The following SYT12 variants were observed in gnomAD, a reference collection of about 807,000 sequenced individuals.
The protein encoded by SYT12 is synaptotagmin-12.
In SYT12, 27 loss-of-function variants were observed where a neutral mutation model predicts 39.5. The ratio of observed to expected loss-of-function variants is 0.68; its 90% CI spans 0.50 to 0.94. The LOEUF (loss-of-function observed/expected upper bound fraction) is 0.94. Ranked by LOEUF, SYT12 falls within the 40% of genes least tolerant of loss-of-function variation. SYT12 has a pLI of 0.00. For missense variants in SYT12, 536 were observed against 572.6 expected (o/e 0.94, Z 0.65); for synonymous variants, 233 against 239.7 (o/e 0.97, Z 0.26).
chr11:67,034,058 G>A (rs1950317333), intron 2 of SYT12, among the ~76,000 whole-genome samples: 1 of 152,190 alleles, frequency 6.6e-6, no homozygotes, highest in Non-Finnish European at 1.5e-5. Flanking sequence ...GATTCACAGA[G>A]AGAAAAGATT....
In SYT12 at chr11:67,049,007, T is replaced by A; in HGVS notation, c.*250T>A. 1 of 414,642 alleles carries A rather than the reference T, an allele frequency of 2.4e-6. No homozygotes were observed. The highest frequency in any genetic ancestry group is 4.3e-6 in the Non-Finnish European group (1 of 230,948). 25.7% of individuals were successfully genotyped at this position (414,642 alleles called of 1,614,324 possible). A position where few individuals can be genotyped will look rare whatever the true frequency, so the allele number is the denominator to read the frequency against. ...TGGGCCAGGACAGAGGACTCAACCC[T>A]GCTCCTCCCGGTAGGCCAGCTGCCG... On this transcript the variant is annotated 3_prime_UTR_variant, in exon 8 of 8. Coordinates refer to ENST00000527043, the MANE Select transcript of SYT12 (RefSeq NM_177963.4).
chr11:67,035,879 TTTC>T (rs1950369310), intron 3 of SYT12, among the ~76,000 whole-genome samples: 2 of 115,648 alleles, frequency 1.7e-5, no homozygotes, highest in African/African-American at 7.1e-5. Flanking sequence ...TCTTTCTTTC[TTTC>T]CCTCCCTCCC....
chr11:67,014,853 A>G (rs182602729), intron 3 of SYT12, among the ~76,000 whole-genome samples: 1,847 of 151,614 alleles, frequency 0.012, 41 homozygotes, highest in African/African-American at 0.042. Flanking sequence ...CCTCCTTACT[A>G]CCACTCTCGA....
At chr11:67,021,679 A>G (rs1329959941), upstream of SYT12, among the ~76,000 whole-genome samples, 2 of 152,168 alleles carry the variant, frequency 1.3e-5, no homozygotes, top group Admixed American at 1.3e-4. Context: ...CTTCCAAACC[A>G]GAAACTCGGC....
intron 3 of SYT12, among the ~76,000 whole-genome samples, chr11:67,016,846 A>G (rs1450588353): frequency 1.3e-5 from 2 of 152,172 alleles, no homozygotes; most frequent in Non-Finnish European, 2.9e-5. Flanking sequence ...AGCTCAGGAA[A>G]GTTCTCTGTG....
chr11:67,010,290 A>G (rs575319399), intron 2 of SYT12, among the ~76,000 whole-genome samples: 1 of 152,238 alleles, frequency 6.6e-6, no homozygotes, highest in South Asian at 2.1e-4. Context: ...CATCTGTGCC[A>G]TTTCTCTCCC....
chr11:67,048,369 T>C (rs983618508), intron 7 of SYT12, among the ~76,000 whole-genome samples: 2 of 151,758 alleles, frequency 1.3e-5, no homozygotes, highest in African/African-American at 4.8e-5. Context: ...AAGAGAAACC[T>C]GAGGGCCTAG....
At chr11:67,035,860 T>TCTCTC (rs1950366813) in intron 3 of SYT12, among the ~76,000 whole-genome samples, 1 of 135,932 alleles carries the variant, frequency 7.4e-6, no homozygotes, top group African/African-American at 3.2e-5. Context: ...CTTTCTTTCT[T>TCTCTC]TCTTTCTTTC....
intron 3 of SYT12, among the ~76,000 whole-genome samples, chr11:67,016,039 G>A (rs1183020225): frequency 1.3e-5 from 2 of 152,180 alleles, no homozygotes; most frequent in African/African-American, 2.4e-5. Context: ...CCAGCACTTC[G>A]GGAGGCTGGG....
intron 3 of SYT12, among the ~76,000 whole-genome samples, chr11:67,014,220 T>C (rs1253111131): frequency 6.6e-6 from 1 of 152,270 alleles, no homozygotes; most frequent in East Asian, 1.9e-4. Context: ...AGATGTATCT[T>C]TTTGGGGGGT....
chr11:67,024,469 G>C (rs374503478), intron 1 of SYT12, among the ~76,000 whole-genome samples: 1 of 152,162 alleles, frequency 6.6e-6, no homozygotes, highest in African/African-American at 2.4e-5. Flanking sequence ...TTTCAAACCC[G>C]GACTCTGCCA....
upstream of SYT12, among the ~76,000 whole-genome samples, chr11:67,018,218 G>A (rs1252633683): frequency 2.7e-5 from 4 of 150,074 alleles, no homozygotes; most frequent in South Asian, 2.1e-4. Flanking sequence ...AGCTGAGATC[G>A]TGCCACTGCA....
At chr11:67,035,867 T>TTTCTTTC (rs1555066271) in intron 3 of SYT12, among the ~76,000 whole-genome samples, 1 of 137,164 alleles carries the variant, frequency 7.3e-6, no homozygotes, top group East Asian at 2.1e-4. Context: ...TCTTTCTTTC[T>TTTCTTTC]TTCTTTCTTT....
At chr11:67,009,591 C>T (rs1949998346) in intron 1 of SYT12, among the ~76,000 whole-genome samples, 1 of 152,126 alleles carries the variant, frequency 6.6e-6, no homozygotes, top group Non-Finnish European at 1.5e-5. Context: ...TGTGCCCAGC[C>T]CCAGCCCTTG....
upstream of SYT12, among the ~76,000 whole-genome samples, chr11:67,019,767 G>A (rs185211684): frequency 9.2e-5 from 14 of 151,960 alleles, no homozygotes; most frequent in Non-Finnish European, 1.5e-4. Context: ...GCGTGGTGGC[G>A]TGAGCCTGTA....
intron 1 of SYT12, chr11:67,029,853 A>AAAAAC (rs1256615596): frequency 1.3e-5 from 5 of 397,038 alleles, no homozygotes; most frequent in East Asian, 4.4e-5. Context: ...CTCCATCTGA[A>AAAAAC]AAAACAAAAC....
chr11:67,039,802 C>T lies in SYT12; in HGVS notation c.229-9C>T, dbSNP rs1260694615. The T allele has an allele frequency of 1.9e-6, 3 of 1,593,456 alleles. No individual in the cohort carries two copies. Among genetic ancestry groups the T allele is most frequent in the African/African-American group, 2.7e-5 (2 of 74,714 alleles). On this transcript the variant is annotated splice_polypyrimidine_tract_variant and intron_variant, in intron 3 of 7. Coordinates refer to ENST00000527043, the MANE Select transcript of SYT12 (RefSeq NM_177963.4). ...ATGATGCTCCCACGTCCCTCTTTCT[C>T]ACCCCTAGAGAGTGCCTGCCTGGAA...
intron 7 of SYT12, among the ~76,000 whole-genome samples, chr11:67,048,086 C>G (rs1458376767): frequency 6.6e-6 from 1 of 150,562 alleles, no homozygotes; most frequent in Non-Finnish European, 1.5e-5. Context: ...CCACCGTGCC[C>G]GGCCGAAACC....
At chr11:67,029,601 C>A (rs1950229688) in intron 1 of SYT12, 1 of 152,860 alleles carries the variant, frequency 6.5e-6, no homozygotes, top group African/African-American at 2.4e-5. Flanking sequence ...CACCTGTAAT[C>A]TCAGCACTTT....
Sources: gnomAD v4.1 joint callset for allele counts (sites outside exome capture counted in the v4.1 genomes callset) on GRCh38, gnomAD v4.1.1 for gene constraint, MANE v1.5 for transcripts, NCBI Gene and HGNC (gene_info 2026-07-23, HGNC 2026-07-21) for gene names.